The following ATP8A2 variants were observed in gnomAD, a reference collection of about 807,000 sequenced individuals.
ATP8A2 encodes the protein ATPase phospholipid transporting 8A2.
ATP8A2 carries 100 observed loss-of-function variants against 165.6 expected under a neutral mutation model. That is an observed-to-expected ratio of 0.60 (90% CI 0.51 to 0.71). The LOEUF is 0.71. ATP8A2 is among the 30% of genes least tolerant of loss of function. The pLI, the probability that ATP8A2 is intolerant of heterozygous loss-of-function variation, is 0.00. For synonymous variants in ATP8A2, 543 were observed against 548.8 expected, an observed-to-expected ratio of 0.99 and a Z score of 0.15; for missense variants, 1,227 against 1,479.5, an observed-to-expected ratio of 0.83 and a Z score of 2.80.
chr13:25,825,341 T>A (rs2138587932), intron 27 of ATP8A2, among the ~76,000 whole-genome samples: 1 of 151,818 alleles, frequency 6.6e-6, no homozygotes, highest in East Asian at 1.9e-4. Flanking sequence ...TTATTTTTTG[T>A]AGAGATGGGG....
intron 1 of ATP8A2, among the ~76,000 whole-genome samples, chr13:25,465,708 T>G (rs1271605838): frequency 4.3e-5 from 1 of 23,422 alleles, no homozygotes; most frequent in African/African-American, 1.3e-4. Context: ...TCTTTCTTTC[T>G]TTCTTTCTTT....
intron 24 of ATP8A2, among the ~76,000 whole-genome samples, chr13:25,593,384 C>T (rs2040145662): frequency 6.6e-6 from 1 of 152,154 alleles, no homozygotes; most frequent in Non-Finnish European, 1.5e-5. Flanking sequence ...ACTCCAAATG[C>T]TGTAAACAAT....
chr13:25,579,793 G>C lies in ATP8A2; in HGVS notation c.1868-15G>C. On this transcript the variant is annotated splice_polypyrimidine_tract_variant and intron_variant, in intron 21 of 36. Transcript: ENST00000381655. The stretch of plus-strand genomic sequence containing the variant: ...GCGTTCTGCCTGCCTCCATTCACCA[G>C]TGGCTGTCTTGCAGGCTTGCGGACT... 2 of 1,612,046 alleles carry C rather than the reference G, an allele frequency of 1.2e-6. No homozygotes were observed. Among genetic ancestry groups the C allele is most frequent in the East Asian group, 2.2e-5 (1 of 44,802 alleles).
chr13:25,927,635 T>C (rs190410100), intron 33 of ATP8A2, among the ~76,000 whole-genome samples: 4 of 152,350 alleles, frequency 2.6e-5, no homozygotes, highest in Non-Finnish European at 5.9e-5. Context: ...TAGTTCTTCA[T>C]AGCAAGTGAA....
rs561737939 is a variant in ATP8A2, at chr13:25,390,282, C to T, written c.76+17994C>T. On this transcript the variant is annotated intron_variant, in intron 1 of 36. Transcript: ENST00000381655. ...GTGCTGGGATTACAGGCATGAGCCACCTTGCCCAGCCCATTTTTTTGGCTT... is the reference window on the plus strand; with the variant it reads ...GTGCTGGGATTACAGGCATGAGCCATCTTGCCCAGCCCATTTTTTTGGCTT... 5.9e-5 allele frequency among the ~76,000 whole-genome samples: 9 copies of T among 152,322 alleles called. No homozygotes were observed. The East Asian group carries it at 1.7e-3, about 29-fold the overall frequency.
Position 25,902,531 on chromosome 13 carries a change from T to C in ATP8A2, c.3183+40123T>C, listed in dbSNP as rs73473833. 5.4e-3 allele frequency among the ~76,000 whole-genome samples: 817 copies of C among 151,744 alleles called. 4 individuals carry two copies. The highest frequency in any genetic ancestry group is 0.018 in the African/African-American group (726 of 41,306). ...TGTTTGAAACAGTTATATCTATTCA[T>C]GTGAAATTTCTGTTCACATTATAGC... On this transcript the variant is annotated intron_variant, in intron 33 of 36. Transcript: ENST00000381655.
intron 33 of ATP8A2, among the ~76,000 whole-genome samples, chr13:25,880,377 CAAAA>C (rs10641772): frequency 7.6e-5 from 7 of 91,630 alleles, no homozygotes; most frequent in Non-Finnish European, 1.2e-4. Flanking sequence ...TCAGGAACAA[CAAAA>C]AAAAAAAAAA....
intron 22 of ATP8A2, 56 bp from the exon 23 acceptor site, chr13:25,581,763 T>C: frequency 6.6e-7 from 1 of 1,503,882 alleles, no homozygotes; most frequent in Non-Finnish European, 9.2e-7. Flanking sequence ...CAGAATTTGT[T>C]AGTGCTGTTC....
chr13:25,419,059 A>C (rs1203040598), intron 1 of ATP8A2, among the ~76,000 whole-genome samples: 1 of 152,112 alleles, frequency 6.6e-6, no homozygotes, highest in Admixed American at 6.6e-5. Flanking sequence ...ATGTGTGTGC[A>C]TATGTGTGTG....
chr13:25,732,170 G>A (rs1468464806), intron 25 of ATP8A2, among the ~76,000 whole-genome samples: 1 of 152,174 alleles, frequency 6.6e-6, no homozygotes, highest in Non-Finnish European at 1.5e-5. Flanking sequence ...GGAAAAGGAG[G>A]CAGCTTTTTC....
intron 35 of ATP8A2, among the ~76,000 whole-genome samples, chr13:25,990,239 T>C (rs1027708983): frequency 1.4e-5 from 2 of 142,608 alleles, no homozygotes; most frequent in Non-Finnish European, 3.0e-5. Flanking sequence ...AGGCACTGTT[T>C]TGGGTGCCAA....
intron 16 of ATP8A2, among the ~76,000 whole-genome samples, chr13:25,564,733 C>G (rs532636308): frequency 6.6e-6 from 1 of 152,098 alleles, no homozygotes; most frequent in East Asian, 1.9e-4. Context: ...TATTGAGGAA[C>G]AGGTGGTATT....
intron 35 of ATP8A2, among the ~76,000 whole-genome samples, chr13:25,972,187 G>A (rs912194143): frequency 1.1e-4 from 16 of 152,252 alleles, no homozygotes; most frequent in African/African-American, 3.4e-4. Flanking sequence ...TTCTCTCTGT[G>A]CCTTTTATTC....
chr13:25,922,991 C>CT (rs1954504596), intron 33 of ATP8A2, among the ~76,000 whole-genome samples: 1 of 152,176 alleles, frequency 6.6e-6, no homozygotes, highest in Admixed American at 6.5e-5. Context: ...GATGTGGACT[C>CT]TTTTCCGTTG....
chr13:25,796,943 A>G (rs1950510146), intron 27 of ATP8A2, among the ~76,000 whole-genome samples: 1 of 152,150 alleles, frequency 6.6e-6, no homozygotes. Flanking sequence ...CCAGGTGACT[A>G]TAGTCAACAG....
chr13:25,618,269 T>C (rs4442643), intron 24 of ATP8A2, among the ~76,000 whole-genome samples: 125,999 of 152,008 alleles, frequency 0.83, 53,206 homozygotes, highest in African/African-American at 0.91. Context: ...AGGTTAGGAG[T>C]GCGTGTTTAT....
rs1303158707 is a variant in ATP8A2 at position 25,942,684 on chromosome 13, G to A, written c.3184-18891G>A. Among the ~76,000 whole-genome samples, 5 of 152,146 alleles carry A rather than the reference G, an allele frequency of 3.3e-5. No individual in the cohort carries two copies. The East Asian group carries it at 7.7e-4, about 24-fold the overall frequency. ...GGTGATCCACGCACCTCGGCCTCCC[G>A]AAGTGCTGGGATTACAGGCGTGAGC... On this transcript the variant is annotated intron_variant, in intron 33 of 36. Coordinates refer to ENST00000381655, the MANE Select transcript of ATP8A2 (RefSeq NM_016529.6).
intron 10 of ATP8A2, among the ~76,000 whole-genome samples, chr13:25,550,935 G>A (rs1468051033): frequency 2.0e-5 from 3 of 152,190 alleles, no homozygotes; most frequent in South Asian, 2.1e-4. Context: ...TGCTATTATC[G>A]TGAAGGTCTT....
At chr13:25,864,273 G>A (rs1272761411) in intron 33 of ATP8A2, among the ~76,000 whole-genome samples, 1 of 119,280 alleles carries the variant, frequency 8.4e-6, no homozygotes, top group Non-Finnish European at 2.2e-5. Flanking sequence ...GCATGTGACT[G>A]ACAGACAAAG....
Sources: gnomAD v4.1 joint callset for allele counts (sites outside exome capture counted in the v4.1 genomes callset) on GRCh38, gnomAD v4.1.1 for gene constraint, MANE v1.5 for transcripts, NCBI Gene and HGNC (gene_info 2026-07-23, HGNC 2026-07-21) for gene names.